ETV3: variants seen among roughly 807,000 people sequenced by gnomAD.
The protein encoded by ETV3 is ETS translocation variant 3.
ETV3 carries 8 observed loss-of-function variants against 33.0 expected under a neutral mutation model. The ratio of observed to expected loss-of-function variants is 0.24; its 90% CI spans 0.14 to 0.44. The LOEUF is 0.44. Ranked by LOEUF, ETV3 falls within the 20% of genes least tolerant of loss-of-function variation. The pLI is 1.00. For synonymous variants in ETV3, 222 were observed against 238.9 expected, an observed-to-expected ratio of 0.93 and a Z score of 0.65; for missense variants, 473 against 652.3, an observed-to-expected ratio of 0.73 and a Z score of 2.99.
chr1:157,135,336 C>T (rs1016785622), intron 3 of ETV3, 135 bp downstream of exon 3: 7 of 1,084,680 alleles, frequency 6.5e-6, no homozygotes, highest in Non-Finnish European at 9.4e-6. Context: ...TCTTCTACTC[C>T]CACTTTAAAG....
chr1:157,125,706 C>A lies in ETV3; in HGVS notation c.674G>T (p.Arg225Leu), dbSNP rs772524539. The change falls in exon 5 of 5, where the codon CGC (arginine) becomes CTC (leucine). Residue 225 changes from arginine to leucine, a missense_variant. By Grantham distance (102) the Arg-to-Leu change is moderately radical. Transcript: ENST00000368192. The surrounding 1 kb of genome is among the most constrained non-coding windows in gnomAD (Gnocchi z 4.0). Reference sequence around the variant, plus strand: ...CAGAGGAAGCATTATGTCAGGCTTGCGTTTCTGATGGCCAATCCCTCCTCC... The same window carrying A: ...CAGAGGAAGCATTATGTCAGGCTTGAGTTTCTGATGGCCAATCCCTCCTCC... ...IGGGGIGHQK[R>L]KPDIMLPLFA... 2 of 1,551,490 alleles carry A rather than the reference C, an allele frequency of 1.3e-6. No individual in the cohort carries two copies. The highest frequency in any genetic ancestry group is 2.0e-5 in the Admixed American group (1 of 50,970).
At chr1:157,136,236 C>A in intron 2 of ETV3, 71 bp downstream of exon 2, 1 of 1,426,390 alleles carries the variant, frequency 7.0e-7, no homozygotes, top group Non-Finnish European at 9.9e-7. Flanking sequence ...GTGAACAGAG[C>A]TCAAGTGGAG....
chr1:157,124,756 C>CA lies in ETV3; in HGVS notation c.*84_*85insT. The CA allele has an allele frequency of 4.5e-6, 1 of 223,660 alleles. No individual in the cohort carries two copies. 13.9% of individuals were successfully genotyped at this position (223,660 alleles called of 1,614,324 possible). A position where few individuals can be genotyped will look rare whatever the true frequency, so the allele number is the denominator to read the frequency against. ...TAGAATGATCAAACCAGTTTAACTC[C>CA]CTCCCCCCCACCCTGAAATCTTGCT... On this transcript the variant is annotated 3_prime_UTR_variant, in exon 5 of 5. Coordinates refer to ENST00000368192, the MANE Select transcript of ETV3 (RefSeq NM_001145312.3).
At position 157,124,715 on chromosome 1, in the gene ETV3, T is replaced by C; in HGVS notation, c.*126A>G. The stretch of plus-strand genomic sequence containing the variant: ...CCATCCCATCCCCAAAACATAAAAA[T>C]ACAAGTCTATGCCCCTAGAATGATC... On this transcript the variant is annotated 3_prime_UTR_variant, in exon 5 of 5. Coordinates refer to ENST00000368192, the MANE Select transcript of ETV3 (RefSeq NM_001145312.3). 4 of 986,518 alleles carry C rather than the reference T, an allele frequency of 4.1e-6. No individual in the cohort carries two copies. Among genetic ancestry groups the C allele is most frequent in the Non-Finnish European group, 4.3e-6 (3 of 697,026 alleles). 61.1% of individuals were successfully genotyped at this position (986,518 alleles called of 1,614,324 possible).
chr1:157,123,895 G>GC lies in ETV3; in HGVS notation c.*945dup, dbSNP rs1432326233. 1 of 152,168 alleles carries GC rather than the reference G, an allele frequency of 6.6e-6. No homozygotes were observed. The highest frequency in any genetic ancestry group is 1.5e-5 in the Non-Finnish European group (1 of 68,028). 9.4% of individuals were successfully genotyped at this position (152,168 alleles called of 1,614,324 possible). ...TGTTGTCATGCCTCTCAGTGAACGT[G>GC]CTCACAGTCACACTTGGTTTGGCTC... On this transcript the variant is annotated 3_prime_UTR_variant, in exon 5 of 5. Transcript: ENST00000368192.
intron 4 of ETV3, among the ~76,000 whole-genome samples, chr1:157,130,702 C>T (rs1170764268): frequency 6.6e-6 from 1 of 152,116 alleles, no homozygotes; most frequent in Non-Finnish European, 1.5e-5. Flanking sequence ...CAGCACAGGG[C>T]CTATTGTTAT....
chr1:157,133,413 A>G (rs1174931198), intron 4 of ETV3: 2 of 985,388 alleles, frequency 2.0e-6, no homozygotes, highest in East Asian at 1.1e-4. Flanking sequence ...TGATTTGCAT[A>G]AGGAAAAAAA....
At chr1:157,137,760 C>G (rs890443595) in intron 1 of ETV3, among the ~76,000 whole-genome samples, 42 of 152,146 alleles carry the variant, frequency 2.8e-4, no homozygotes. Context: ...GGGTCCAAAT[C>G]CCGTTGCAAC....
At position 157,128,039 on chromosome 1, in the gene ETV3, A is replaced by C. The variant is rs544684761; in HGVS notation, c.401-2060T>G. Among the ~76,000 whole-genome samples, 285 of 152,338 alleles carry C rather than the reference A, an allele frequency of 1.9e-3. 1 individual carries two copies. Among genetic ancestry groups the C allele is most frequent in the African/African-American group, 5.5e-3 (227 of 41,568 alleles). The stretch of plus-strand genomic sequence containing the variant: ...AAGGAGAAGAAAAAAATAGAAAAAA[A>C]CAAAATTTTAAGTATAGTGATCTAG... On this transcript the variant is annotated intron_variant, in intron 4 of 4. Coordinates refer to ENST00000368192, the MANE Select transcript of ETV3 (RefSeq NM_001145312.3).
chr1:157,123,701 A>G lies in ETV3; in HGVS notation c.*1140T>C, dbSNP rs1674757351. ...TATCAAGAGGGAATGACTAAGTATC[A>G]GCTAGAAACTTAGCCATGTCTCAAC... On this transcript the variant is annotated 3_prime_UTR_variant, in exon 5 of 5. Coordinates refer to ENST00000368192, the MANE Select transcript of ETV3 (RefSeq NM_001145312.3). 6.6e-6 allele frequency: 1 copy of G among 152,238 alleles called. No individual in the cohort carries two copies. Among genetic ancestry groups the G allele is most frequent in the African/African-American group, 2.4e-5 (1 of 41,448 alleles). The allele number at this position is 152,238 out of a possible 1,614,324, so 9.4% of individuals were successfully genotyped here. A position where few individuals can be genotyped will look rare whatever the true frequency, so the allele number is the denominator to read the frequency against.
At chr1:157,130,999 T>C (rs987727652) in intron 4 of ETV3, among the ~76,000 whole-genome samples, 5 of 152,150 alleles carry the variant, frequency 3.3e-5, no homozygotes, top group African/African-American at 1.2e-4. Context: ...CAACTTAATC[T>C]CAAAAGATTT....
chr1:157,129,987 G>A (rs1195302249), intron 4 of ETV3, among the ~76,000 whole-genome samples: 1 of 151,976 alleles, frequency 6.6e-6, no homozygotes, highest in Non-Finnish European at 1.5e-5. Context: ...GGGACTACAG[G>A]TGCGCACCAC....
At chr1:157,129,103 T>G (rs1674914936) in intron 4 of ETV3, among the ~76,000 whole-genome samples, 1 of 152,230 alleles carries the variant, frequency 6.6e-6, no homozygotes, top group East Asian at 1.9e-4. Context: ...TTCATTTGCC[T>G]CTTAAAGGCA....
At chr1:157,126,269 T>C (rs940239242) in intron 4 of ETV3, among the ~76,000 whole-genome samples, 1 of 152,178 alleles carries the variant, frequency 6.6e-6, no homozygotes, top group Non-Finnish European at 1.5e-5. Context: ...GGACTTCCTA[T>C]TGTTCACAAC....
At chr1:157,137,748 T>C (rs1675155462) in intron 1 of ETV3, among the ~76,000 whole-genome samples, 1 of 152,038 alleles carries the variant, frequency 6.6e-6, no homozygotes. Flanking sequence ...ATCACGACCC[T>C]GGGGTCCAAA....
intron 2 of ETV3, 145 bp downstream of exon 2, chr1:157,136,162 A>G: frequency 2.5e-6 from 2 of 791,100 alleles, no homozygotes; most frequent in East Asian, 5.0e-5. Flanking sequence ...CATAGGAAAC[A>G]AGCCTACAAC....
At chr1:157,137,496 G>GCAGA (rs1553247498) in intron 1 of ETV3, among the ~76,000 whole-genome samples, 2 of 149,244 alleles carry the variant, frequency 1.3e-5, no homozygotes, top group East Asian at 2.0e-4. Flanking sequence ...AAAGGAAGGA[G>GCAGA]CAGACAAGGA....
Position 157,124,646 on chromosome 1 carries a change from A to G in ETV3, c.*195T>C, listed in dbSNP as rs1022535830. On this transcript the variant is annotated 3_prime_UTR_variant, in exon 5 of 5. Transcript: ENST00000368192. ...TCCCTGTGTCCTACTCACCAGGAAA[A>G]TAAGTGTGTTCATATCCCACCTAAT... 1.3e-5 allele frequency: 7 copies of G among 549,234 alleles called. No homozygotes were observed. Among genetic ancestry groups the G allele is most frequent in the African/African-American group, 3.8e-5 (2 of 52,604 alleles). The allele number at this position is 549,234 out of a possible 1,614,324, so 34.0% of individuals were successfully genotyped here. A position where few individuals can be genotyped will look rare whatever the true frequency, so the allele number is the denominator to read the frequency against.
Position 157,133,904 on chromosome 1 carries a change from A to G in ETV3, c.400+208T>C, listed in dbSNP as rs546072888. ...ATGCAGAAAAGGGAACCAACCAAAT[A>G]AACCAAAGAAATCTATCTTGATACT... On this transcript the variant is annotated intron_variant, in intron 4 of 4. Coordinates refer to ENST00000368192, the MANE Select transcript of ETV3 (RefSeq NM_001145312.3). 3 of 1,390,364 alleles carry G rather than the reference A, an allele frequency of 2.2e-6. No individual in the cohort carries two copies. In the East Asian group the frequency reaches 8.1e-5, roughly 38 times the overall value. The allele number at this position is 1,390,364 out of a possible 1,614,324, so 86.1% of individuals were successfully genotyped here.
Sources: allele counts gnomAD v4.1 joint callset (sites outside exome capture counted in the v4.1 genomes callset), GRCh38; gene constraint gnomAD v4.1.1; non-coding constraint Gnocchi (gnomAD v3.1); transcripts MANE v1.5; gene names NCBI Gene and HGNC (gene_info 2026-07-23, HGNC 2026-07-21).